AFF3: variants seen among roughly 807,000 people sequenced by gnomAD.
AFF3 encodes the protein ALF transcription elongation factor 3, also known as AF4/FMR2 family member 3.
Under a neutral mutation model 129.7 loss-of-function variants are expected in AFF3, and 32 were observed. The ratio of observed to expected loss-of-function variants is 0.25; its 90% CI spans 0.19 to 0.33. The LOEUF is 0.33. Ranked by LOEUF, AFF3 falls within the 10% of genes least tolerant of loss-of-function variation. AFF3 has a pLI of 1.00. For synonymous variants in AFF3, 644 were observed against 635.4 expected (o/e 1.01, Z -0.20); for missense variants, 1,373 against 1,592.0 (o/e 0.86, Z 2.34).
intron 11 of AFF3, among the ~76,000 whole-genome samples, chr2:99,690,959 T>A (rs917970870): frequency 6.6e-6 from 1 of 152,078 alleles, no homozygotes; most frequent in African/African-American, 2.4e-5. Context: ...GGTGTGTTTC[T>A]GTTTGAATGT....
intron 13 of AFF3, among the ~76,000 whole-genome samples, chr2:99,613,763 G>A (rs1455011629): frequency 6.6e-6 from 1 of 152,188 alleles, no homozygotes; most frequent in Non-Finnish European, 1.5e-5. Context: ...AATAATAGCA[G>A]CCTTTGCGAC....
chr2:100,105,193 A>C, intron 3 of AFF3: 1 of 581,562 alleles, frequency 1.7e-6, no homozygotes, highest in Non-Finnish European at 2.3e-6. Context: ...GGCTGCACGC[A>C]CTTCTCCCGC....
At chr2:99,688,814 T>C (rs183587172) in intron 11 of AFF3, among the ~76,000 whole-genome samples, 88 of 152,246 alleles carry the variant, frequency 5.8e-4, no homozygotes, top group Non-Finnish European at 8.2e-4. Flanking sequence ...TCCTGGAGGC[T>C]CGAGCTCATA....
chr2:99,872,781 C>G (rs996332209), intron 7 of AFF3, among the ~76,000 whole-genome samples: 4 of 151,948 alleles, frequency 2.6e-5, no homozygotes, highest in African/African-American at 9.7e-5. Flanking sequence ...GTTCATTATA[C>G]GACATTTAAA....
intron 7 of AFF3, among the ~76,000 whole-genome samples, chr2:99,878,765 G>A (rs1182844892): frequency 6.6e-6 from 1 of 152,158 alleles, no homozygotes; most frequent in African/African-American, 2.4e-5. Flanking sequence ...AGGAGGGTTG[G>A]CTAGGGGATT....
chr2:99,557,402 C>T (rs763452672), intron 22 of AFF3, among the ~76,000 whole-genome samples: 2 of 151,890 alleles, frequency 1.3e-5, no homozygotes, highest in Non-Finnish European at 2.9e-5. Context: ...GCCTCAGCCT[C>T]CCTAGTAGCT....
intron 7 of AFF3, among the ~76,000 whole-genome samples, chr2:99,980,523 T>C (rs1311713225): frequency 6.6e-6 from 1 of 152,266 alleles, no homozygotes; most frequent in African/African-American, 2.4e-5. Flanking sequence ...TGAAAGGATT[T>C]GATTTGTGGC....
intron 11 of AFF3, among the ~76,000 whole-genome samples, chr2:99,698,210 T>C (rs567470047): frequency 1.8e-4 from 28 of 152,242 alleles, no homozygotes; most frequent in Middle Eastern, 3.4e-3. Flanking sequence ...GCTTTTGGAG[T>C]ACTGTTTTAG....
chr2:99,871,208 C>G (rs1487070650), intron 7 of AFF3, among the ~76,000 whole-genome samples: 15 of 152,100 alleles, frequency 9.9e-5, no homozygotes, highest in Non-Finnish European at 1.5e-5. Context: ...CCCAAGATAT[C>G]TCATTATGTC....
intron 7 of AFF3, among the ~76,000 whole-genome samples, chr2:99,982,601 C>G (rs969820728): frequency 6.6e-6 from 1 of 152,116 alleles, no homozygotes; most frequent in African/African-American, 2.4e-5. Context: ...ACTAAGTTAC[C>G]TGAATTTCCA....
chr2:99,774,466 A>G (rs760685546), intron 8 of AFF3, among the ~76,000 whole-genome samples: 1 of 152,198 alleles, frequency 6.6e-6, no homozygotes, highest in Non-Finnish European at 1.5e-5. Flanking sequence ...ATCTTTGACA[A>G]ACCTGACAAA....
intron 4 of AFF3, among the ~76,000 whole-genome samples, chr2:100,019,097 A>G (rs1023630244): frequency 6.6e-6 from 1 of 152,136 alleles, no homozygotes; most frequent in Non-Finnish European, 1.5e-5. Flanking sequence ...TGAAGTCAGA[A>G]GGGAGAAGGG....
At chr2:99,663,736 G>T (rs4611689) in intron 12 of AFF3, among the ~76,000 whole-genome samples, 1 of 152,026 alleles carries the variant, frequency 6.6e-6, no homozygotes, top group Admixed American at 6.5e-5. Flanking sequence ...CAATATGTTT[G>T]GATAACGTAA....
At chr2:100,135,446 A>G (rs1339506026) in intron 1 of AFF3, among the ~76,000 whole-genome samples, 1 of 152,168 alleles carries the variant, frequency 6.6e-6, no homozygotes, top group Non-Finnish European at 1.5e-5. Context: ...CACAATGCAA[A>G]AAGTGCAACC....
At chr2:99,810,039 C>G (rs1392808323) in intron 8 of AFF3, among the ~76,000 whole-genome samples, 1 of 152,148 alleles carries the variant, frequency 6.6e-6, no homozygotes, top group Non-Finnish European at 1.5e-5. Context: ...CTGCACTGGA[C>G]TACAGTAAGT....
chr2:99,649,450 G>C (rs1430714633), intron 13 of AFF3, among the ~76,000 whole-genome samples, 176 bp downstream of exon 13: 1 of 152,160 alleles, frequency 6.6e-6, no homozygotes, highest in Non-Finnish European at 1.5e-5. Flanking sequence ...ACAACAAGGC[G>C]ATTTTTGCAG....
chr2:99,826,915 T>C (rs945627053), intron 8 of AFF3, among the ~76,000 whole-genome samples: 1 of 151,450 alleles, frequency 6.6e-6, no homozygotes, highest in Non-Finnish European at 1.5e-5. Flanking sequence ...GGATGGTGGA[T>C]GAACAAGGAG....
intron 7 of AFF3, among the ~76,000 whole-genome samples, chr2:99,876,106 A>T (rs1259355314): frequency 1.3e-5 from 2 of 152,106 alleles, no homozygotes; most frequent in Non-Finnish European, 2.9e-5. Flanking sequence ...GGGGTTACAA[A>T]GAACCCAGTC....
chr2:99,688,903 A>G (rs770838336), intron 11 of AFF3, among the ~76,000 whole-genome samples: 39 of 152,266 alleles, frequency 2.6e-4, no homozygotes, highest in Non-Finnish European at 4.6e-4. Context: ...TGTTGAGCCA[A>G]TAAGTTAATC....
Sources: allele counts gnomAD v4.1 joint callset (sites outside exome capture counted in the v4.1 genomes callset), GRCh38; gene constraint gnomAD v4.1.1; transcripts MANE v1.5; gene names NCBI Gene and HGNC (gene_info 2026-07-23, HGNC 2026-07-21).